CDIN1: variants seen among roughly 807,000 people sequenced by gnomAD.
The protein encoded by CDIN1 is CDAN1-interacting nuclease 1.
CDIN1 carries 33 observed loss-of-function variants against 45.3 expected under a neutral mutation model. The ratio of observed to expected loss-of-function variants is 0.73; its 90% CI spans 0.55 to 0.97. The LOEUF (loss-of-function observed/expected upper bound fraction) is 0.97, where lower values mean the gene tolerates loss of function less well. Ranked by LOEUF, CDIN1 falls within the 50% of genes least tolerant of loss-of-function variation. CDIN1 has a pLI of 0.00. For missense variants in CDIN1, 303 were observed against 339.4 expected, an observed-to-expected ratio of 0.89 and a Z score of 0.84; for synonymous variants, 118 against 124.4, an observed-to-expected ratio of 0.95 and a Z score of 0.34.
chr15:36,659,966 C>CTTTTTTTTTTTTTTTTTT (rs778988517), intron 5 of CDIN1, among the ~76,000 whole-genome samples: 8 of 105,128 alleles, frequency 7.6e-5, no homozygotes, highest in Non-Finnish European at 1.3e-4. Flanking sequence ...CCTTCCTTTT[C>CTTTTTTTTTTTTTTTTTT]TTTTTTTTTT....
chr15:36,596,187 TC>T (rs2037822661), intron 1 of CDIN1, among the ~76,000 whole-genome samples: 1 of 21,044 alleles, frequency 4.8e-5, no homozygotes, highest in Non-Finnish European at 8.5e-5. Flanking sequence ...AAAAAAAAGC[TC>T]ATTTTTTTTT....
chr15:36,622,157 T>C (rs1168822325), intron 1 of CDIN1, among the ~76,000 whole-genome samples: 1 of 152,250 alleles, frequency 6.6e-6, no homozygotes, highest in Non-Finnish European at 1.5e-5. Flanking sequence ...ATCTTTTTCA[T>C]TGTGCTTATG....
At chr15:36,692,891 A>G (rs2042303730) in intron 7 of CDIN1, among the ~76,000 whole-genome samples, 1 of 152,218 alleles carries the variant, frequency 6.6e-6, no homozygotes, top group Non-Finnish European at 1.5e-5. Context: ...TACTGTGGCA[A>G]CAGCAAGGTT....
intron 10 of CDIN1, among the ~76,000 whole-genome samples, chr15:36,720,013 G>A (rs1171103809): frequency 6.6e-6 from 1 of 151,514 alleles, no homozygotes; most frequent in Non-Finnish European, 1.5e-5. Flanking sequence ...AGATCAATCT[G>A]CCTAGAGGTT....
chr15:36,788,799 G>A (rs2054573808), intron 10 of CDIN1, among the ~76,000 whole-genome samples: 2 of 152,096 alleles, frequency 1.3e-5, no homozygotes, highest in Admixed American at 1.3e-4. Context: ...AGGGTTTATA[G>A]GGTAAAATGG....
chr15:36,600,493 C>A (rs375923817), intron 1 of CDIN1, among the ~76,000 whole-genome samples: 10 of 152,168 alleles, frequency 6.6e-5, no homozygotes, highest in Admixed American at 6.5e-4. Context: ...TTGTTAATTT[C>A]TCTGTTATTT....
chr15:36,639,864 T>G (rs933380389), intron 1 of CDIN1, among the ~76,000 whole-genome samples: 8 of 152,190 alleles, frequency 5.3e-5, no homozygotes, highest in African/African-American at 1.9e-4. Flanking sequence ...TTTTTTATAG[T>G]TGATTACTAC....
At chr15:36,703,291 CATATATCAGATAG>C (rs2042719868) in intron 8 of CDIN1, among the ~76,000 whole-genome samples, 1 of 83,144 alleles carries the variant, frequency 1.2e-5, no homozygotes, top group African/African-American at 6.2e-5. Context: ...CAGATATATA[CATATATCAGATAG>C]ATCTATCAGA....
chr15:36,602,983 C>CAAAAAAAAAAA (rs60188895), intron 1 of CDIN1, among the ~76,000 whole-genome samples: 1 of 130,120 alleles, frequency 7.7e-6, no homozygotes. Flanking sequence ...GACTCCGTCT[C>CAAAAAAAAAAA]AAAAAAAAAA....
At chr15:36,734,472 C>A in intron 10 of CDIN1, 1 of 330,596 alleles carries the variant, frequency 3.0e-6, no homozygotes, top group Non-Finnish European at 5.9e-6. Flanking sequence ...AGTATATCTC[C>A]AAGCTGAATT....
At chr15:36,701,818 T>C (rs1407705765) in intron 8 of CDIN1, among the ~76,000 whole-genome samples, 1 of 152,200 alleles carries the variant, frequency 6.6e-6, no homozygotes, top group African/African-American at 2.4e-5. Flanking sequence ...GTAGCATTTG[T>C]GTATTACTCT....
intron 1 of CDIN1, among the ~76,000 whole-genome samples, chr15:36,592,747 T>G (rs1037022833): frequency 6.6e-6 from 1 of 152,136 alleles, no homozygotes; most frequent in African/African-American, 2.4e-5. Flanking sequence ...GCCTAAAGAA[T>G]GCTGCTTGAT....
intron 10 of CDIN1, among the ~76,000 whole-genome samples, chr15:36,736,954 G>A (rs779795213): frequency 6.6e-6 from 1 of 151,956 alleles, no homozygotes; most frequent in Non-Finnish European, 1.5e-5. Context: ...ATCACCTGAG[G>A]TCAGGAGTTC....
At chr15:36,647,864 G>T (rs1210519436) in intron 3 of CDIN1, among the ~76,000 whole-genome samples, 6 of 140,364 alleles carry the variant, frequency 4.3e-5, no homozygotes, top group Non-Finnish European at 7.5e-5. Flanking sequence ...TTTTGAGACG[G>T]AGTCTCACTC....
chr15:36,622,336 T>A (rs2039235074), intron 1 of CDIN1, among the ~76,000 whole-genome samples: 1 of 152,144 alleles, frequency 6.6e-6, no homozygotes, highest in Non-Finnish European at 1.5e-5. Flanking sequence ...TCTCTGCTCT[T>A]TAACTGGCAT....
At chr15:36,788,093 TATATA>T (rs1566973661) in intron 10 of CDIN1, among the ~76,000 whole-genome samples, 5 of 40,804 alleles carry the variant, frequency 1.2e-4, no homozygotes, top group African/African-American at 3.3e-4. Context: ...TATATATATA[TATATA>T]TATATATATT....
chr15:36,666,222 C>T (rs2041243301), intron 5 of CDIN1, among the ~76,000 whole-genome samples: 1 of 152,058 alleles, frequency 6.6e-6, no homozygotes. Context: ...TTTTTTCTGA[C>T]AATTTCATAA....
intron 10 of CDIN1, among the ~76,000 whole-genome samples, chr15:36,750,215 C>CA (rs938468083): frequency 5.7e-4 from 87 of 151,454 alleles, no homozygotes; most frequent in African/African-American, 1.8e-3. Context: ...TTCCTTATGG[C>CA]AAAAAAAACT....
chr15:36,768,668 G>A (rs930855723), intron 10 of CDIN1, among the ~76,000 whole-genome samples: 20 of 152,154 alleles, frequency 1.3e-4, no homozygotes, highest in Non-Finnish European at 4.4e-5. Flanking sequence ...ATTTGTTAGT[G>A]GCCTCAACTG....
Sources: allele counts gnomAD v4.1 joint callset (sites outside exome capture counted in the v4.1 genomes callset), GRCh38; gene constraint gnomAD v4.1.1; transcripts MANE v1.5; gene names NCBI Gene and HGNC (gene_info 2026-07-23, HGNC 2026-07-21).